Variants in CREBZF observed in about 807,000 individuals in gnomAD.
CREBZF encodes the protein CREB/ATF bZIP transcription factor, also known as HCF-binding transcription factor Zhangfei.
In CREBZF, 8 loss-of-function variants were observed where a neutral mutation model predicts 21.1. That is an observed-to-expected ratio of 0.38 (90% CI 0.22 to 0.68). CREBZF has a LOEUF of 0.68. Ranked by LOEUF, CREBZF falls within the 30% of genes least tolerant of loss-of-function variation. The pLI, the probability that CREBZF is intolerant of heterozygous loss-of-function variation, is 0.51. For missense variants in CREBZF, 518 were observed against 484.3 expected (o/e 1.07, Z -0.65); for synonymous variants, 270 against 223.3 (o/e 1.21, Z -1.86).
At chr11:85,676,043 T>C (rs578230599) in intron 1 of CREBZF, among the ~76,000 whole-genome samples, 2 of 152,378 alleles carry the variant, frequency 1.3e-5, no homozygotes, top group South Asian at 2.1e-4. Flanking sequence ...AGAATTATAC[T>C]ATTGTGGACT....
At chr11:85,676,018 G>T (rs2082939988) in intron 1 of CREBZF, among the ~76,000 whole-genome samples, 1 of 152,166 alleles carries the variant, frequency 6.6e-6, no homozygotes. Flanking sequence ...AAGCGTTTCT[G>T]AACGCAACTG....
rs1220845234 is a variant in CREBZF at position 85,659,297 on chromosome 11, A to C, written c.*4514T>G. Among the ~76,000 whole-genome samples, 3 of 152,078 alleles carry C rather than the reference A, an allele frequency of 2.0e-5. No individual in the cohort carries two copies. The East Asian group carries it at 5.8e-4, about 29-fold the overall frequency. On this transcript the variant is annotated 3_prime_UTR_variant, in exon 1 of 1. Transcript: ENST00000527447. ...ACACATTCAAAATGCTGAACTAGAT[A>C]ATCACATATTAAAAAGGTAATGACT...
exon 1 of CREBZF, chr11:85,682,761 C>G: frequency 1.4e-6 from 1 of 700,574 alleles, no homozygotes. Flanking sequence ...GGCCTCTGCC[C>G]ATGGGACTTC....
chr11:85,677,033 G>A (rs912260736), intron 1 of CREBZF, among the ~76,000 whole-genome samples: 3 of 144,594 alleles, frequency 2.1e-5, no homozygotes, highest in Non-Finnish European at 4.5e-5. Flanking sequence ...ATGCAATCTC[G>A]GCTCACTGCA....
chr11:85,682,251 A>C (rs761259964), intron 1 of CREBZF, among the ~76,000 whole-genome samples: 2 of 151,762 alleles, frequency 1.3e-5, no homozygotes, highest in Non-Finnish European at 2.9e-5. Context: ...CGATAATTGA[A>C]CCTCCCTTGA....
At chr11:85,678,103 C>G (rs2082952867) in intron 1 of CREBZF, among the ~76,000 whole-genome samples, 1 of 152,084 alleles carries the variant, frequency 6.6e-6, no homozygotes, top group Non-Finnish European at 1.5e-5. Context: ...CATTGAGAGC[C>G]CCTCCAATTT....
chr11:85,660,738 G>T lies in CREBZF; in HGVS notation c.*3073C>A, dbSNP rs1373278486. The T allele has an allele frequency of 8.5e-6, 3 of 353,038 alleles. No homozygotes were observed. The highest frequency in any genetic ancestry group is 1.6e-5 in the Non-Finnish European group (3 of 183,074). The allele number at this position is 353,038 out of a possible 1,614,324, so 21.9% of individuals were successfully genotyped here. ...AAGTGGACTTTTTAAGATAAGTCTG[G>T]TCAAAGAAGTGCAGAAACAGTAAGT... On this transcript the variant is annotated 3_prime_UTR_variant, in exon 1 of 1. Transcript: ENST00000527447.
chr11:85,664,108 G>A lies in CREBZF; in HGVS notation c.768C>T (p.Arg256=), dbSNP rs780753635. 2 of 1,613,632 alleles carry A rather than the reference G, an allele frequency of 1.2e-6. No individual in the cohort carries two copies. The highest frequency in any genetic ancestry group is 1.1e-5 in the South Asian group (1 of 91,086). The change falls in exon 1 of 1, where the codon CGC becomes CGT. Residue 256 remains arginine, a synonymous_variant. Transcript: ENST00000527447. This position sits in a 1 kb window ranked among gnomAD's most constrained non-coding sequence, Gnocchi z 5.5. ...GACTCTCCTCCTGCAGTGCCTGTAC[G>A]CGTTTGCCCAGCTCCCGATTCTCGG... ...LRAENRELGK[R]VQALQEESRY...
chr11:85,664,959 TAG>T lies in CREBZF; in HGVS notation c.-86_-85del. On this transcript the variant is annotated 5_prime_UTR_variant, in exon 1 of 1. Transcript: ENST00000527447. This position sits in a 1 kb window ranked among gnomAD's most constrained non-coding sequence, Gnocchi z 5.5. ...CAAGGATCCCAGGCCCCAGGGCGGG[TAG>T]CCCCCGGCACTGGCCGAAACGAAAT... 2 of 1,037,128 alleles carry T rather than the reference TAG, an allele frequency of 1.9e-6. No homozygotes were observed. The highest frequency in any genetic ancestry group is 4.6e-5 in the South Asian group (2 of 43,708). The allele number at this position is 1,037,128 out of a possible 1,614,324, so 64.2% of individuals were successfully genotyped here.
In CREBZF at chr11:85,664,453, G is replaced by A. The variant is rs372640023; in HGVS notation, c.423C>T (p.Gly141=). 37 of 1,613,456 alleles carry A rather than the reference G, an allele frequency of 2.3e-5. No homozygotes were observed. In the African/African-American group the frequency reaches 3.3e-4, roughly 15 times the overall value. The stretch of plus-strand genomic sequence containing the variant: ...CATCGTCATCGTCCCCTCTCCACAG[G>A]CCGCCGCTATCCGAGCCTCCGCCAG... ...SSSGGGSDSG[G]LWRGDDDDEA... The change falls in exon 1 of 1, where the codon GGC becomes GGT. Residue 141 remains glycine, a synonymous_variant. Coordinates refer to ENST00000527447, the MANE Select transcript of CREBZF (RefSeq NM_001039618.4). The surrounding 1 kb of genome is among the most constrained non-coding windows in gnomAD (Gnocchi z 5.5).
At position 85,659,016 on chromosome 11, in the gene CREBZF, T is replaced by G. The variant is rs903952987; in HGVS notation, c.*4795A>C. Among the ~76,000 whole-genome samples, 1 of 152,020 alleles carries G rather than the reference T, an allele frequency of 6.6e-6. No individual in the cohort carries two copies. Among genetic ancestry groups the G allele is most frequent in the African/African-American group, 2.4e-5 (1 of 41,446 alleles). ...ACACAGAGGTACTGAAATTCAAATC[T>G]GAAAAATACTGTGCTGGCCACACAA... On this transcript the variant is annotated 3_prime_UTR_variant, in exon 1 of 1. Coordinates refer to ENST00000527447, the MANE Select transcript of CREBZF (RefSeq NM_001039618.4).
Position 85,664,570 on chromosome 11 carries a change from C to T in CREBZF, c.306G>A (p.Leu102=). The change falls in exon 1 of 1, where the codon CTG becomes CTA. Residue 102 remains leucine, a synonymous_variant. Transcript: ENST00000527447. The surrounding 1 kb of genome is among the most constrained non-coding windows in gnomAD (Gnocchi z 5.5). ...PGEETEDMDF[L]SGLELADLLD... ...GGAGATCCGCCAGTTCCAGCCCAGA[C>T]AGAAAGTCCATATCCTCCGTCTCTT... The T allele has an allele frequency of 2.5e-6, 4 of 1,613,978 alleles. No individual in the cohort carries two copies. The highest frequency in any genetic ancestry group is 3.4e-6 in the Non-Finnish European group (4 of 1,179,994).
At chr11:85,680,960 T>C (rs1294724562) in intron 1 of CREBZF, among the ~76,000 whole-genome samples, 1 of 152,242 alleles carries the variant, frequency 6.6e-6, no homozygotes. Flanking sequence ...CCGTCCACTA[T>C]GTAGCACAGA....
In CREBZF at chr11:85,664,374, T is replaced by C; in HGVS notation, c.502A>G (p.Asn168Asp). ...CTGCTGCTGCAGCCTCCGATACCGT[T>C]TAACAGCCTTTGCAGCAGGTCAGAG... is the stretch of plus-strand genomic sequence containing the variant. ...RFSDLLQRLL[N>D]GIGGCSSSSD... The change falls in exon 1 of 1, where the codon AAC becomes GAC. Residue 168 changes from asparagine to aspartate, a missense_variant. Asn to Asp is a conservative substitution (Grantham distance 23, BLOSUM62 1). This residue lies in a region of CREBZF where 396 missense variants were observed against 324.4 expected (regional missense o/e 1.22). Coordinates refer to ENST00000527447, the MANE Select transcript of CREBZF (RefSeq NM_001039618.4). This position sits in a 1 kb window ranked among gnomAD's most constrained non-coding sequence, Gnocchi z 5.5. 1.9e-6 allele frequency: 3 copies of C among 1,613,722 alleles called. No homozygotes were observed. Among genetic ancestry groups the C allele is most frequent in the Non-Finnish European group, 2.5e-6 (3 of 1,179,984 alleles).
chr11:85,667,660 T>C (rs1365134225), upstream of CREBZF, among the ~76,000 whole-genome samples: 2 of 152,172 alleles, frequency 1.3e-5, no homozygotes, highest in Non-Finnish European at 2.9e-5. Context: ...AATTTTTAAA[T>C]AGTCAATTTA....
At chr11:85,682,163 CT>C (rs1225749873) in intron 1 of CREBZF, among the ~76,000 whole-genome samples, 9 of 152,218 alleles carry the variant, frequency 5.9e-5, no homozygotes. Context: ...TCAAAACTCA[CT>C]TTTGCCTCTC....
At chr11:85,671,753 T>C (rs932188361) in intron 1 of CREBZF, among the ~76,000 whole-genome samples, 2 of 152,238 alleles carry the variant, frequency 1.3e-5, no homozygotes, top group Non-Finnish European at 2.9e-5. Flanking sequence ...CCCACGGTCT[T>C]GGGCAGCTCC....
rs1247984393 is a variant in CREBZF, at chr11:85,658,256, G to A, written c.*5555C>T. Reference sequence around the variant, plus strand: ...GATATAACTAAGTTCTTTGACGATTGAGCACACATTGTTTCCTTACTTATC... The same window carrying A: ...GATATAACTAAGTTCTTTGACGATTAAGCACACATTGTTTCCTTACTTATC... On this transcript the variant is annotated 3_prime_UTR_variant, in exon 1 of 1. Coordinates refer to ENST00000527447, the MANE Select transcript of CREBZF (RefSeq NM_001039618.4). 6.6e-6 allele frequency among the ~76,000 whole-genome samples: 1 copy of A among 151,958 alleles called. No homozygotes were observed. Among genetic ancestry groups the A allele is most frequent in the African/African-American group, 2.4e-5 (1 of 41,436 alleles).
At chr11:85,668,439 T>C (rs2082886961), upstream of CREBZF, among the ~76,000 whole-genome samples, 2 of 152,218 alleles carry the variant, frequency 1.3e-5, no homozygotes, top group Non-Finnish European at 2.9e-5. Flanking sequence ...TCTTTTCTGT[T>C]AAATTTTTAA....
Sources: allele counts gnomAD v4.1 joint callset (sites outside exome capture counted in the v4.1 genomes callset), GRCh38; gene constraint gnomAD v4.1.1; regional missense constraint gnomAD v4.1.1; non-coding constraint Gnocchi (gnomAD v3.1); transcripts MANE v1.5; gene names NCBI Gene and HGNC (gene_info 2026-07-23, HGNC 2026-07-21).